The following KIF1B variants were observed in gnomAD, a reference collection of about 807,000 sequenced individuals.
The protein encoded by KIF1B is kinesin family member 1B, also known as kinesin-like protein KIF1B.
KIF1B carries 76 observed loss-of-function variants against 241.9 expected under a neutral mutation model. The ratio of observed to expected loss-of-function variants is 0.31; its 90% confidence interval spans 0.26 to 0.38. The LOEUF (loss-of-function observed/expected upper bound fraction) is 0.38. Ranked by LOEUF, KIF1B falls within the 10% of genes least tolerant of loss-of-function variation. The pLI is 1.00. For synonymous variants in KIF1B, 750 were observed against 796.7 expected (o/e 0.94, Z 0.99); for missense variants, 1,622 against 2,271.4 (o/e 0.71, Z 5.81).
At chr1:10,312,658 C>T (rs1352991893) in intron 22 of KIF1B, among the ~76,000 whole-genome samples, 5 of 151,442 alleles carry the variant, frequency 3.3e-5, no homozygotes, top group Admixed American at 3.3e-4. Context: ...GACCTTGGCA[C>T]TTGCTGTTAC....
At chr1:10,291,210 G>T in intron 16 of KIF1B, 49 bp downstream of exon 16, 1 of 1,210,580 alleles carries the variant, frequency 8.3e-7, no homozygotes, top group South Asian at 1.2e-5. Flanking sequence ...TAGGGGATGT[G>T]GATTACTTTA....
intron 15 of KIF1B, among the ~76,000 whole-genome samples, chr1:10,289,183 A>G (rs1009566649): frequency 1.3e-5 from 2 of 151,536 alleles, no homozygotes; most frequent in Non-Finnish European, 2.9e-5. Flanking sequence ...TTTTCCTTCC[A>G]TTCTTTGCCT....
intron 2 of KIF1B, among the ~76,000 whole-genome samples, chr1:10,245,168 C>G (rs996812621): frequency 1.3e-4 from 20 of 152,110 alleles, no homozygotes; most frequent in African/African-American, 4.6e-4. Flanking sequence ...AAATACTAAT[C>G]TTGTTTTGAC....
At chr1:10,275,567 G>A (rs1649055099) in intron 11 of KIF1B, 64 bp downstream of exon 11, 4 of 930,958 alleles carry the variant, frequency 4.3e-6, no homozygotes, top group Non-Finnish European at 5.4e-6. Flanking sequence ...GTGGTTAATT[G>A]TCCTGTGTCT....
intron 2 of KIF1B, among the ~76,000 whole-genome samples, chr1:10,248,190 TTTGTTGTTG>T (rs59554084): frequency 6.6e-6 from 1 of 150,942 alleles, no homozygotes; most frequent in Non-Finnish European, 1.5e-5. Context: ...TTGGGTCAAT[TTTGTTGTTG>T]TTGTTGTTGT....
intron 22 of KIF1B, among the ~76,000 whole-genome samples, chr1:10,319,721 A>G (rs1317969008): frequency 6.6e-6 from 1 of 152,150 alleles, no homozygotes; most frequent in East Asian, 1.9e-4. Flanking sequence ...CGCTTAAGGT[A>G]TACACGTGTT....
intron 10 of KIF1B, among the ~76,000 whole-genome samples, chr1:10,273,472 G>A (rs1004622638): frequency 6.6e-6 from 1 of 151,974 alleles, no homozygotes; most frequent in Non-Finnish European, 1.5e-5. Context: ...TGAAGTTTTA[G>A]GCCTCAAGGA....
intron 47 of KIF1B, 78 bp downstream of exon 47, chr1:10,375,124 T>C: frequency 6.5e-7 from 1 of 1,537,556 alleles, no homozygotes; most frequent in South Asian, 1.1e-5. Context: ...TGTTACGTGG[T>C]GTGAAATTTC....
intron 19 of KIF1B, among the ~76,000 whole-genome samples, chr1:10,296,182 G>T (rs1650253023): frequency 6.6e-6 from 1 of 152,022 alleles, no homozygotes; most frequent in Non-Finnish European, 1.5e-5. Context: ...CAATTTAATG[G>T]TTTTTTTCTG....
chr1:10,251,246 A>G (rs1647423000), intron 2 of KIF1B, among the ~76,000 whole-genome samples: 1 of 152,180 alleles, frequency 6.6e-6, no homozygotes, highest in South Asian at 2.1e-4. Context: ...AAGCTTTAAA[A>G]GTCTGGGAGA....
In KIF1B at chr1:10,331,994, G is replaced by T. The variant is rs555513882; in HGVS notation, c.2925-2526G>T. On this transcript the variant is annotated intron_variant, in intron 27 of 48. Transcript: ENST00000676179. ...TTTCACTTATGCATTTCTGAATTAG[G>T]TTTTGAACTCTAGGAGCAAACGCAA... Among the ~76,000 whole-genome samples, 9 of 152,286 alleles carry T rather than the reference G, an allele frequency of 5.9e-5. No individual in the cohort carries two copies. In the East Asian group the frequency reaches 1.7e-3, roughly 29 times the overall value.
chr1:10,353,689 T>C (rs1652878482), intron 38 of KIF1B, among the ~76,000 whole-genome samples: 1 of 152,226 alleles, frequency 6.6e-6, no homozygotes, highest in African/African-American at 2.4e-5. Context: ...TTAATTTCTT[T>C]CTGTTGTTTT....
rs1420664074 is a variant in KIF1B, at chr1:10,378,704, G to T, written c.*2117G>T. On this transcript the variant is annotated 3_prime_UTR_variant, in exon 49 of 49. Transcript: ENST00000676179. ...GACTTGTGTCATCATCCACAACCTT[G>T]TTTCTCACTTCCTGGTTGGGCTCAT... The T allele has an allele frequency of 2.4e-6, 1 of 414,744 alleles. No individual in the cohort carries two copies. Among genetic ancestry groups the T allele is most frequent in the Non-Finnish European group, 4.4e-6 (1 of 225,986 alleles). The allele number at this position is 414,744 out of a possible 1,614,324, so 25.7% of individuals were successfully genotyped here. A position where few individuals can be genotyped will look rare whatever the true frequency, so the allele number is the denominator to read the frequency against.
chr1:10,267,599 C>A lies in KIF1B; in HGVS notation c.608+41C>A, dbSNP rs992226410. The A allele has an allele frequency of 6.3e-6, 10 of 1,595,508 alleles. No individual in the cohort carries two copies. In the Admixed American group the frequency reaches 8.3e-5, roughly 13 times the overall value. On this transcript the variant is annotated intron_variant, in intron 6 of 48. Transcript: ENST00000676179. ...GAGTAATGACTGAGGTCTTTGGCAC[C>A]TTTTGAGGTCCTTTTTTCCCAGTTA...
chr1:10,214,035 T>A (rs1646729774), intron 1 of KIF1B, among the ~76,000 whole-genome samples: 1 of 151,818 alleles, frequency 6.6e-6, no homozygotes, highest in Non-Finnish European at 1.5e-5. Context: ...CTTCGGAGGC[T>A]GAGTGGGGAG....
intron 1 of KIF1B, among the ~76,000 whole-genome samples, chr1:10,223,540 T>G (rs1009691741): frequency 2.2e-5 from 3 of 133,814 alleles, no homozygotes; most frequent in Non-Finnish European, 5.0e-5. Flanking sequence ...TTTTTTGTTT[T>G]GTTTTGTTTT....
intron 31 of KIF1B, 31 bp from the exon 32 acceptor site, chr1:10,339,738 G>A: frequency 1.9e-6 from 3 of 1,588,676 alleles, no homozygotes; most frequent in South Asian, 1.1e-5. Context: ...TTAATGCATT[G>A]TTCACGAGTC....
At chr1:10,255,954 T>A (rs955152480) in intron 2 of KIF1B, among the ~76,000 whole-genome samples, 2 of 137,524 alleles carry the variant, frequency 1.5e-5, no homozygotes, top group African/African-American at 5.0e-5. Flanking sequence ...CATGCCCAGC[T>A]AGTTGTTGTT....
intron 1 of KIF1B, among the ~76,000 whole-genome samples, chr1:10,212,890 G>GTA (rs201066671): frequency 0.04 from 4,348 of 108,216 alleles, 81 homozygotes; most frequent in East Asian, 0.094. Flanking sequence ...ATGCGTGTGT[G>GTA]TATATATATA....
Sources: gnomAD v4.1 joint callset for allele counts (sites outside exome capture counted in the v4.1 genomes callset) on GRCh38, gnomAD v4.1.1 for gene constraint, MANE v1.5 for transcripts, NCBI Gene and HGNC (gene_info 2026-07-23, HGNC 2026-07-21) for gene names.